Variants in TOX3 observed in about 807,000 individuals in gnomAD.
TOX3 encodes TOX high mobility group box family member 3.
Under a neutral mutation model 64.3 loss-of-function variants are expected in TOX3, and 22 were observed. The observed-to-expected ratio is 0.34, with a 90% CI of 0.24 to 0.49. The LOEUF is 0.49. Among genes scored for constraint, TOX3 ranks in the 20% least tolerant of loss-of-function variants. The pLI is 0.99. For synonymous variants in TOX3, 291 were observed against 273.6 expected (o/e 1.06, Z -0.63); for missense variants, 661 against 714.4 (o/e 0.93, Z 0.85).
intron 1 of TOX3, among the ~76,000 whole-genome samples, chr16:52,527,560 A>T (rs1174157413): frequency 5.9e-5 from 9 of 152,208 alleles, no homozygotes; most frequent in African/African-American, 2.2e-4. Flanking sequence ...CTCTAACAGA[A>T]AGAGGGAGAT....
At chr16:52,529,607 T>C (rs1962806052) in intron 1 of TOX3, among the ~76,000 whole-genome samples, 1 of 152,214 alleles carries the variant, frequency 6.6e-6, no homozygotes, top group Non-Finnish European at 1.5e-5. Context: ...CACACAGGAA[T>C]GCATATCCTA....
chr16:52,455,946 G>T (rs1466005208), intron 3 of TOX3, among the ~76,000 whole-genome samples: 1 of 152,154 alleles, frequency 6.6e-6, no homozygotes, highest in African/African-American at 2.4e-5. Flanking sequence ...GAGGTATAAA[G>T]GGAAGTAGAA....
chr16:52,445,816 A>C (rs1002539451), intron 5 of TOX3, 178 bp downstream of exon 5: 1 of 629,156 alleles, frequency 1.6e-6, no homozygotes, highest in African/African-American at 1.8e-5. Context: ...CAGAGAAATC[A>C]ATATAACTGG....
rs1488887679 is a variant in TOX3 at position 52,437,078 on chromosome 16, T to C, written c.*2147A>G. On this transcript the variant is annotated 3_prime_UTR_variant, in exon 7 of 7. Coordinates refer to ENST00000219746, the MANE Select transcript of TOX3 (RefSeq NM_001080430.4). ...CACATCATTTCTTTGTGGAATACAATCACTCCCTTGTAGATGTAATTAGGC... is the reference window on the plus strand; with the variant it reads ...CACATCATTTCTTTGTGGAATACAACCACTCCCTTGTAGATGTAATTAGGC... The C allele has an allele frequency of 1.3e-5, 2 of 152,244 alleles. No homozygotes were observed. Among genetic ancestry groups the C allele is most frequent in the African/African-American group, 4.8e-5 (2 of 41,478 alleles). 9.4% of individuals were successfully genotyped at this position (152,244 alleles called of 1,614,324 possible).
rs145001072 is a variant in TOX3 at position 52,473,928 on chromosome 16, A to G, written c.88-5354T>C. Among the ~76,000 whole-genome samples, 229 of 152,288 alleles carry G rather than the reference A, an allele frequency of 1.5e-3. 1 individual carries two copies. The highest frequency in any genetic ancestry group is 5.4e-3 in the African/African-American group (224 of 41,562). On this transcript the variant is annotated intron_variant, in intron 1 of 6. Transcript: ENST00000219746. ...CAATTCTGCTAATTATGTACATACA[A>G]TTATATAGATTTACACGCACATACA...
In TOX3 at chr16:52,533,082, G is replaced by C. The variant is rs549301007; in HGVS notation, c.87+13555C>G. Among the ~76,000 whole-genome samples, 4 of 152,334 alleles carry C rather than the reference G, an allele frequency of 2.6e-5. No individual in the cohort carries two copies. In the East Asian group the frequency reaches 7.7e-4, roughly 29 times the overall value. On this transcript the variant is annotated intron_variant, in intron 1 of 6. Transcript: ENST00000219746. ...TGTTAAGGAGGGCCTGGGTGGGAAA[G>C]ATATGGAACCCTAGGTAAAGATTAC...
chr16:52,502,915 A>G (rs1962041641), intron 1 of TOX3, among the ~76,000 whole-genome samples: 1 of 152,192 alleles, frequency 6.6e-6, no homozygotes, highest in Admixed American at 6.5e-5. Context: ...TTTAAGCTCT[A>G]TGGGTCATCC....
intron 1 of TOX3, among the ~76,000 whole-genome samples, chr16:52,539,228 A>T (rs530097359): frequency 6.6e-6 from 1 of 152,256 alleles, no homozygotes. Context: ...CCATTTAAGA[A>T]TGTTTCCTTC....
Position 52,547,035 on chromosome 16 carries a change from G to T in TOX3, c.-312C>A. ...GCGCGGCGCTGGGGCCCGGGTCGGC[G>T]AGGCGAGTTCAGGTGCGCTGGGCGA... On this transcript the variant is annotated 5_prime_UTR_variant, in exon 1 of 7. Coordinates refer to ENST00000219746, the MANE Select transcript of TOX3 (RefSeq NM_001080430.4). The T allele has an allele frequency of 2.4e-6, 2 of 825,896 alleles. No individual in the cohort carries two copies. Among genetic ancestry groups the T allele is most frequent in the Non-Finnish European group, 2.9e-6 (2 of 686,516 alleles). The allele number at this position is 825,896 out of a possible 1,614,324, so 51.2% of individuals were successfully genotyped here.
chr16:52,466,016 G>A (rs557415968), intron 2 of TOX3, among the ~76,000 whole-genome samples: 41 of 152,274 alleles, frequency 2.7e-4, no homozygotes, highest in African/African-American at 3.6e-4. Context: ...GGCCACAAAC[G>A]TGGTTGGCTA....
chr16:52,530,900 G>A (rs1336677528), intron 1 of TOX3, among the ~76,000 whole-genome samples: 1 of 152,112 alleles, frequency 6.6e-6, no homozygotes, highest in African/African-American at 2.4e-5. Flanking sequence ...AAAACATGGA[G>A]GAAGGAAAAT....
chr16:52,469,392 G>A (rs555845530), intron 1 of TOX3, among the ~76,000 whole-genome samples: 9 of 152,174 alleles, frequency 5.9e-5, no homozygotes, highest in East Asian at 1.9e-4. Flanking sequence ...GGTCTAAATC[G>A]GCACATTTTG....
At chr16:52,509,129 T>C (rs931037958) in intron 1 of TOX3, among the ~76,000 whole-genome samples, 1 of 152,224 alleles carries the variant, frequency 6.6e-6, no homozygotes, top group African/African-American at 2.4e-5. Context: ...ATTATAACTA[T>C]ACTGGAAGCT....
Position 52,444,320 on chromosome 16 carries a change from A to T in TOX3, c.943T>A (p.Tyr315Asn), listed in dbSNP as rs1310423573. 6.3e-7 allele frequency: 1 copy of T among 1,590,442 alleles called. No homozygotes were observed. ...KRKTEAAKKE[Y>N]LKALAAYRAS... The stretch of plus-strand genomic sequence containing the variant: ...CTGTATGCCGCCAGGGCCTTCAGGT[A>T]TTCTTTTTTGGCAGCTTCTGTTTTC... Residue 315 changes from tyrosine (Y) to asparagine (N), a missense_variant, in exon 6 of 7, where the codon TAC (tyrosine) becomes AAC (asparagine). Physicochemically the swap from Tyr to Asn is moderately radical, Grantham distance 143. Around this residue, in one of 3 missense-constraint regions of TOX3, gnomAD observed 103 missense variants for 161.2 expected, o/e 0.64. Coordinates refer to ENST00000219746, the MANE Select transcript of TOX3 (RefSeq NM_001080430.4).
At position 52,439,384 on chromosome 16, in the gene TOX3, G is replaced by A; in HGVS notation, c.1572C>T (p.His524=). The A allele has an allele frequency of 6.3e-7, 1 of 1,599,188 alleles. No individual in the cohort carries two copies. The highest frequency in any genetic ancestry group is 8.5e-7 in the Non-Finnish European group (1 of 1,172,006). ...GCTGCCGAGGAGAAGGCTGAGACTGGTGCTGCATGTGTTGCAGCTGCTGCA... is the reference window on the plus strand; with the variant it reads ...GCTGCCGAGGAGAAGGCTGAGACTGATGCTGCATGTGTTGCAGCTGCTGCA... ...LQLQQLQHMQ[H]QSQPSPRQHS... The change falls in exon 7 of 7, where the codon CAC becomes CAT. Residue 524 remains histidine (H), a synonymous_variant. Transcript: ENST00000219746.
chr16:52,474,922 G>A (rs1961165392), intron 1 of TOX3, among the ~76,000 whole-genome samples: 1 of 152,048 alleles, frequency 6.6e-6, no homozygotes, highest in South Asian at 2.1e-4. Context: ...TAGCCTACTG[G>A]CTTCCTATTG....
At chr16:52,440,055 T>G in intron 6 of TOX3, 87 bp from the exon 7 acceptor site, 3 of 1,122,490 alleles carry the variant, frequency 2.7e-6, no homozygotes, top group Non-Finnish European at 3.7e-6. Flanking sequence ...TAAATTGATT[T>G]TTTTTAACGG....
chr16:52,476,052 T>C (rs1255953848), intron 1 of TOX3, among the ~76,000 whole-genome samples: 2 of 152,208 alleles, frequency 1.3e-5, no homozygotes, highest in Admixed American at 6.5e-5. Context: ...GTTTTGTTGA[T>C]AGCAATGAAG....
intron 1 of TOX3, among the ~76,000 whole-genome samples, chr16:52,526,558 G>T (rs945052486): frequency 6.6e-6 from 1 of 152,088 alleles, no homozygotes; most frequent in African/African-American, 2.4e-5. Context: ...GGGGGTGGTG[G>T]GGGAGGGCTG....
Sources: gnomAD v4.1 joint callset for allele counts (sites outside exome capture counted in the v4.1 genomes callset) on GRCh38, gnomAD v4.1.1 for gene constraint, gnomAD v4.1.1 regional missense constraint, MANE v1.5 for transcripts, NCBI Gene and HGNC (gene_info 2026-07-23, HGNC 2026-07-21) for gene names.